Variants in ETV6 observed in about 807,000 individuals in gnomAD.
The protein encoded by ETV6 is transcription factor ETV6.
ETV6 carries 16 observed loss-of-function variants against 51.1 expected under a neutral mutation model. The observed-to-expected ratio is 0.31, with a 90% CI of 0.21 to 0.48. ETV6 has a LOEUF of 0.48. Ranked by LOEUF, ETV6 falls within the 20% of genes least tolerant of loss-of-function variation. ETV6 has a pLI of 0.99. For missense variants in ETV6, 458 were observed against 594.8 expected, an observed-to-expected ratio of 0.77 and a Z score of 2.39; for synonymous variants, 240 against 224.1, an observed-to-expected ratio of 1.07 and a Z score of -0.64.
intron 2 of ETV6, among the ~76,000 whole-genome samples, chr12:11,803,927 C>G (rs2855743): frequency 0.49 from 73,962 of 151,964 alleles, 17,981 homozygotes; most frequent in Non-Finnish European, 0.5. Context: ...GTATCATCAT[C>G]ATCATCATCA....
chr12:11,779,802 G>C (rs988183068), intron 2 of ETV6, among the ~76,000 whole-genome samples: 2 of 152,204 alleles, frequency 1.3e-5, no homozygotes, highest in Non-Finnish European at 2.9e-5. Context: ...TGCTCACTGT[G>C]ACTGTTCAGT....
rs3782142 is a variant in ETV6 at position 11,771,269 on chromosome 12, A to G, written c.163+18690A>G. ...TGTAATTTTGTTTCTTTGGTCAACT[A>G]ATGTAAGAACTGAGTCTGTAACTCT... On this transcript the variant is annotated intron_variant, in intron 2 of 7. Transcript: ENST00000396373. 7.9e-5 allele frequency among the ~76,000 whole-genome samples: 12 copies of G among 152,330 alleles called. No homozygotes were observed. The East Asian group carries it at 2.3e-3, about 29-fold the overall frequency.
intron 2 of ETV6, among the ~76,000 whole-genome samples, chr12:11,756,985 T>C (rs1361068900): frequency 6.6e-6 from 1 of 152,230 alleles, no homozygotes; most frequent in Non-Finnish European, 1.5e-5. Flanking sequence ...TTTTGCAGTG[T>C]CCATTTGGCC....
In ETV6 at chr12:11,650,048, C is replaced by T; in HGVS notation, c.-80C>T. The T allele has an allele frequency of 3.9e-6, 5 of 1,285,728 alleles. No individual in the cohort carries two copies. Among genetic ancestry groups the T allele is most frequent in the East Asian group, 2.3e-5 (1 of 43,208 alleles). The allele number at this position is 1,285,728 out of a possible 1,614,324, so 79.6% of individuals were successfully genotyped here. A position where few individuals can be genotyped will look rare whatever the true frequency, so the allele number is the denominator to read the frequency against. On this transcript the variant is annotated 5_prime_UTR_variant, in exon 1 of 8. Transcript: ENST00000396373. Reference sequence around the variant, plus strand: ...TCTTAAATGACCGCGTCTGGCTGGCCGTGGAGCCTTTCTGGGTTGGGGAGA... The same window carrying T: ...TCTTAAATGACCGCGTCTGGCTGGCTGTGGAGCCTTTCTGGGTTGGGGAGA...
In ETV6 at chr12:11,738,838, T is replaced by C. The variant is rs556636341; in HGVS notation, c.34-13612T>C. ...CCTGTTTTACGGTTCAAACTCAAGA[T>C]GGTAGAAACAAGTCATATCCAAAAG... On this transcript the variant is annotated intron_variant, in intron 1 of 7. Coordinates refer to ENST00000396373, the MANE Select transcript of ETV6 (RefSeq NM_001987.5). Among the ~76,000 whole-genome samples the C allele has an allele frequency of 6.6e-5, 10 of 152,296 alleles. No individual in the cohort carries two copies. In the East Asian group the frequency reaches 1.9e-3, roughly 29 times the overall value.
intron 1 of ETV6, among the ~76,000 whole-genome samples, chr12:11,663,975 CT>C (rs1397628206): frequency 1.3e-5 from 2 of 152,192 alleles, no homozygotes; most frequent in African/African-American, 4.8e-5. Flanking sequence ...TGATAACACT[CT>C]TAAGTATTTA....
intron 1 of ETV6, among the ~76,000 whole-genome samples, chr12:11,714,942 T>C (rs1865247560): frequency 6.6e-6 from 1 of 152,100 alleles, no homozygotes; most frequent in South Asian, 2.1e-4. Flanking sequence ...GGAAGGTGGA[T>C]TGGAGAAGGA....
At chr12:11,840,364 C>A in intron 3 of ETV6, 1 of 453,734 alleles carries the variant, frequency 2.2e-6, no homozygotes, top group Non-Finnish European at 4.4e-6. Context: ...CTGGGAACTA[C>A]ATATGTCAAA....
At chr12:11,723,672 G>T (rs1865435899) in intron 1 of ETV6, among the ~76,000 whole-genome samples, 1 of 151,672 alleles carries the variant, frequency 6.6e-6, no homozygotes, top group Non-Finnish European at 1.5e-5. Context: ...ATCTATCAGG[G>T]TTCCCTTCTC....
chr12:11,665,477 C>T (rs1384259537), intron 1 of ETV6, among the ~76,000 whole-genome samples: 2 of 152,234 alleles, frequency 1.3e-5, no homozygotes, highest in African/African-American at 4.8e-5. Context: ...AATTATCATC[C>T]ACACTAGACT....
chr12:11,869,512 A>G lies in ETV6; in HGVS notation c.552A>G (p.Ser184=). 6.2e-7 allele frequency: 1 copy of G among 1,614,000 alleles called. No individual in the cohort carries two copies. Among genetic ancestry groups the G allele is most frequent in the Non-Finnish European group, 8.5e-7 (1 of 1,179,984 alleles). ...TTGAACTGTTGCACCGCTCCAGGTCACCTATCACGACAAATCACCGGCCTT... is the reference window on the plus strand; with the variant it reads ...TTGAACTGTTGCACCGCTCCAGGTCGCCTATCACGACAAATCACCGGCCTT... ...PTIELLHRSR[S]PITTNHRPSP... The change falls in exon 5 of 8, where the codon TCA becomes TCG. Residue 184 remains serine, a synonymous_variant. Transcript: ENST00000396373. This position sits in a 1 kb window ranked among gnomAD's most constrained non-coding sequence, Gnocchi z 5.0.
rs765340318 is a variant in ETV6 at position 11,891,860 on chromosome 12, G to A, written c.*814G>A. ...AGCATTGGGCCACCCATCTGAGGGAGGCCAAAATCATCACAGATGCTGCTG... is the reference window on the plus strand; with the variant it reads ...AGCATTGGGCCACCCATCTGAGGGAAGCCAAAATCATCACAGATGCTGCTG... On this transcript the variant is annotated 3_prime_UTR_variant, in exon 8 of 8. Coordinates refer to ENST00000396373, the MANE Select transcript of ETV6 (RefSeq NM_001987.5). 1.3e-4 allele frequency: 39 copies of A among 308,446 alleles called. No homozygotes were observed. The highest frequency in any genetic ancestry group is 1.9e-4 in the Non-Finnish European group (31 of 159,642). 19.1% of individuals were successfully genotyped at this position (308,446 alleles called of 1,614,324 possible). A position where few individuals can be genotyped will look rare whatever the true frequency, so the allele number is the denominator to read the frequency against.
chr12:11,824,864 G>T (rs2136441628), intron 2 of ETV6, among the ~76,000 whole-genome samples: 1 of 152,342 alleles, frequency 6.6e-6, no homozygotes, highest in Non-Finnish European at 1.5e-5. Context: ...CAGAAAGCCA[G>T]CTGCCATTTA....
intron 1 of ETV6, among the ~76,000 whole-genome samples, chr12:11,673,347 G>A (rs1323697702): frequency 6.6e-6 from 1 of 152,074 alleles, no homozygotes; most frequent in Non-Finnish European, 1.5e-5. Context: ...ATTGAGGGAG[G>A]GCTGATGTTG....
intron 2 of ETV6, among the ~76,000 whole-genome samples, chr12:11,822,655 G>A (rs1428353351): frequency 6.6e-6 from 1 of 152,142 alleles, no homozygotes; most frequent in Non-Finnish European, 1.5e-5. Context: ...TACTAATTTG[G>A]GCATTACTAA....
At chr12:11,708,605 G>A (rs1360510918) in intron 1 of ETV6, among the ~76,000 whole-genome samples, 2 of 152,160 alleles carry the variant, frequency 1.3e-5, no homozygotes, top group Non-Finnish European at 2.9e-5. Flanking sequence ...TTGTAGGCCA[G>A]TATCATGGGG....
chr12:11,762,629 G>T (rs987335255), intron 2 of ETV6, among the ~76,000 whole-genome samples: 2 of 152,318 alleles, frequency 1.3e-5, no homozygotes, highest in East Asian at 1.9e-4. Flanking sequence ...TTGATGCTGA[G>T]CTTGAAAGTA....
chr12:11,679,571 C>T (rs1864487220), intron 1 of ETV6, among the ~76,000 whole-genome samples: 1 of 152,194 alleles, frequency 6.6e-6, no homozygotes, highest in East Asian at 1.9e-4. Context: ...TGCCACAAAG[C>T]ATGTTGAATG....
At chr12:11,655,779 C>T (rs1024612760) in intron 1 of ETV6, among the ~76,000 whole-genome samples, 38 of 151,930 alleles carry the variant, frequency 2.5e-4, no homozygotes, top group African/African-American at 8.7e-4. Context: ...AGAGTGTGGA[C>T]GAGGGGCTTG....
Sources: allele counts gnomAD v4.1 joint callset (sites outside exome capture counted in the v4.1 genomes callset), GRCh38; gene constraint gnomAD v4.1.1; non-coding constraint Gnocchi (gnomAD v3.1); transcripts MANE v1.5; gene names NCBI Gene and HGNC (gene_info 2026-07-23, HGNC 2026-07-21).